The following MIPOL1 variants were observed in gnomAD, a reference collection of about 807,000 sequenced individuals.
MIPOL1 encodes the protein mirror-image polydactyly gene 1 protein.
MIPOL1 carries 57 observed loss-of-function variants against 60.9 expected under a neutral mutation model. That is an observed-to-expected ratio of 0.94 (90% CI 0.76 to 1.17). The LOEUF (loss-of-function observed/expected upper bound fraction) is 1.17. Ranked by LOEUF, MIPOL1 falls within the 50% of genes most tolerant of loss-of-function variation. MIPOL1 has a pLI of 0.00. For synonymous variants in MIPOL1, 179 were observed against 168.8 expected (o/e 1.06, Z -0.47); for missense variants, 551 against 511.6 (o/e 1.08, Z -0.74).
At chr14:37,472,671 A>AT (rs1441833809) in intron 11 of MIPOL1, among the ~76,000 whole-genome samples, 9 of 151,298 alleles carry the variant, frequency 5.9e-5, no homozygotes, top group East Asian at 1.9e-4. Context: ...AGAACATCTT[A>AT]TTTTTTTTTG....
At chr14:37,236,218 C>T (rs111988097) in intron 1 of MIPOL1, among the ~76,000 whole-genome samples, 1,546 of 152,084 alleles carry the variant, frequency 0.01, 12 homozygotes, top group Middle Eastern at 0.037. Context: ...TAGGATTACG[C>T]GCCTGGCCTC....
intron 10 of MIPOL1, among the ~76,000 whole-genome samples, chr14:37,383,154 T>C (rs2092971379): frequency 6.6e-6 from 1 of 151,864 alleles, no homozygotes; most frequent in South Asian, 2.1e-4. Context: ...TTGTACGTTC[T>C]TAATAATTTC....
At chr14:37,394,589 AG>A (rs2093335635) in intron 10 of MIPOL1, among the ~76,000 whole-genome samples, 2 of 151,730 alleles carry the variant, frequency 1.3e-5, no homozygotes, top group South Asian at 4.2e-4. Context: ...TCATGTCCTT[AG>A]CCCACTTTTT....
chr14:37,315,293 G>A (rs1340707252), intron 9 of MIPOL1, among the ~76,000 whole-genome samples: 1 of 152,186 alleles, frequency 6.6e-6, no homozygotes, highest in African/African-American at 2.4e-5. Flanking sequence ...CAAATCAAAT[G>A]TGCCAACCTT....
intron 11 of MIPOL1, among the ~76,000 whole-genome samples, chr14:37,486,854 A>G (rs554537282): frequency 1.3e-5 from 2 of 152,204 alleles, no homozygotes; most frequent in South Asian, 4.2e-4. Context: ...AGAACTTCCA[A>G]TAACACCAAT....
At chr14:37,469,266 G>A (rs1284172795) in intron 11 of MIPOL1, among the ~76,000 whole-genome samples, 2 of 152,138 alleles carry the variant, frequency 1.3e-5, no homozygotes, top group Admixed American at 1.3e-4. Flanking sequence ...TTCCAATCAT[G>A]GCAAAGGCAA....
At chr14:37,446,087 T>C (rs1452027207) in intron 11 of MIPOL1, among the ~76,000 whole-genome samples, 24 of 152,186 alleles carry the variant, frequency 1.6e-4, no homozygotes, top group African/African-American at 5.1e-4. Flanking sequence ...TCTAATTAAA[T>C]GAAAGAGCTT....
intron 11 of MIPOL1, among the ~76,000 whole-genome samples, chr14:37,489,354 C>A (rs200165594): frequency 2.0e-5 from 3 of 152,040 alleles, no homozygotes; most frequent in Non-Finnish European, 4.4e-5. Flanking sequence ...TTCCTCTAAC[C>A]TTTTTTCAAG....
At chr14:37,544,711 G>C (rs1880725484) in intron 12 of MIPOL1, among the ~76,000 whole-genome samples, 1 of 152,164 alleles carries the variant, frequency 6.6e-6, no homozygotes, top group Non-Finnish European at 1.5e-5. Flanking sequence ...ACAAAACTAA[G>C]TAATTGACAT....
intron 11 of MIPOL1, among the ~76,000 whole-genome samples, chr14:37,484,758 C>T (rs1184816524): frequency 6.6e-6 from 1 of 152,102 alleles, no homozygotes; most frequent in African/African-American, 2.4e-5. Context: ...TATTCTTTCT[C>T]TGTCCCTTCA....
At chr14:37,316,635 C>T (rs531824765) in intron 9 of MIPOL1, among the ~76,000 whole-genome samples, 1 of 144,646 alleles carries the variant, frequency 6.9e-6, no homozygotes, top group Non-Finnish European at 1.5e-5. Context: ...GATGTTCTAG[C>T]ACATGTGGTT....
intron 9 of MIPOL1, among the ~76,000 whole-genome samples, chr14:37,351,413 G>A (rs200671148): frequency 2.0e-5 from 3 of 150,622 alleles, no homozygotes; most frequent in South Asian, 4.2e-4. Flanking sequence ...TAGTCCTTTG[G>A]GTATATACCC....
chr14:37,423,712 T>C (rs2093915236), intron 11 of MIPOL1: 1 of 152,080 alleles, frequency 6.6e-6, no homozygotes, highest in African/African-American at 2.4e-5. Context: ...TGCTGTTAAG[T>C]TTTTGAAAGA....
intron 1 of MIPOL1, among the ~76,000 whole-genome samples, chr14:37,220,020 C>T (rs1223354907): frequency 6.6e-6 from 1 of 151,864 alleles, no homozygotes. Context: ...AATAAGACAT[C>T]GTTAGGAAAG....
chr14:37,288,151 T>C (rs1441366302), intron 7 of MIPOL1, among the ~76,000 whole-genome samples: 1 of 151,550 alleles, frequency 6.6e-6, no homozygotes, highest in Non-Finnish European at 1.5e-5. Context: ...TTTTTTTAAG[T>C]TTTTGAGGTT....
chr14:37,367,573 C>A (rs1298557824), intron 9 of MIPOL1, among the ~76,000 whole-genome samples: 1 of 151,888 alleles, frequency 6.6e-6, no homozygotes, highest in Admixed American at 6.6e-5. Flanking sequence ...ACTTTCATTT[C>A]TTTTCTCCTG....
chr14:37,300,412 G>A (rs112835777), intron 7 of MIPOL1, among the ~76,000 whole-genome samples: 15,770 of 15,800 alleles, frequency 1, 7,870 homozygotes, highest in Middle Eastern at 1. Flanking sequence ...TATGTTATTT[G>A]TGTTGTTGCT....
chr14:37,267,167 C>T lies in MIPOL1; in HGVS notation c.249C>T (p.Tyr83=), dbSNP rs748690414. Residue 83 remains tyrosine (Y), a splice_region_variant and synonymous_variant, in exon 4 of 13, where the codon TAC becomes TAT. Coordinates refer to ENST00000684589, the MANE Select transcript of MIPOL1 (RefSeq NM_001388067.1). ...DESVYCTTEK[Y]NVMEHRHNDM... ...CTGTTTACTGCACTACTGAAAAATA[C>T]AAGTAAGTGCTCACAGCCTTAGATT... is the stretch of plus-strand genomic sequence containing the variant. 2 of 1,606,110 alleles carry T rather than the reference C, an allele frequency of 1.2e-6. No homozygotes were observed. The highest frequency in any genetic ancestry group is 1.7e-6 in the Non-Finnish European group (2 of 1,173,446).
intron 5 of MIPOL1, 102 bp downstream of exon 5, chr14:37,268,895 A>T (rs1385386274): frequency 2.1e-6 from 2 of 975,336 alleles, no homozygotes; most frequent in African/African-American, 3.4e-5. Context: ...TTTGCACTTT[A>T]ATCATTTAAC....
Sources: allele counts gnomAD v4.1 joint callset (sites outside exome capture counted in the v4.1 genomes callset), GRCh38; gene constraint gnomAD v4.1.1; transcripts MANE v1.5; gene names NCBI Gene and HGNC (gene_info 2026-07-23, HGNC 2026-07-21).